The following MBD4 variants were observed in gnomAD, a reference collection of about 807,000 sequenced individuals.
The protein encoded by MBD4 is methyl-CpG-binding domain protein 4.
A neutral mutation model predicts 60.2 loss-of-function variants in MBD4; 53 were observed. The ratio of observed to expected loss-of-function variants is 0.88; its 90% CI spans 0.71 to 1.11. The LOEUF (loss-of-function observed/expected upper bound fraction) is 1.11, where lower values mean the gene tolerates loss of function less well. Among genes scored for constraint, MBD4 ranks in the 50% least tolerant of loss-of-function variants. The probability of loss-of-function intolerance (pLI) is 0.00; values close to 1 mark genes in which losing one functional copy is unlikely to be tolerated. For missense variants in MBD4, 619 were observed against 674.0 expected (o/e 0.92, Z 0.90); for synonymous variants, 231 against 229.8 (o/e 1.01, Z -0.05).
chr3:129,431,427 G>T lies in MBD4; in HGVS notation c.*74C>A. On this transcript the variant is annotated 3_prime_UTR_variant, in exon 8 of 8. Coordinates refer to ENST00000429544, the MANE Select transcript of MBD4 (RefSeq NM_001276270.2). ...TTAAAATCTCTATGGCTGGAAAGGT[G>T]GTTGGTTGTACTTAATTAAGCTTTT... is the stretch of plus-strand genomic sequence containing the variant. The T allele has an allele frequency of 8.6e-7, 1 of 1,162,144 alleles. No homozygotes were observed. Among genetic ancestry groups the T allele is most frequent in the Non-Finnish European group, 1.3e-6 (1 of 773,850 alleles). 72.0% of individuals were successfully genotyped at this position (1,162,144 alleles called of 1,614,324 possible).
Position 129,437,084 on chromosome 3 carries a change from T to A in MBD4, c.560A>T (p.Asp187Val), listed in dbSNP as rs1231965260. 2 of 1,614,068 alleles carry A rather than the reference T, an allele frequency of 1.2e-6. No individual in the cohort carries two copies. The highest frequency in any genetic ancestry group is 4.5e-5 in the East Asian group (2 of 44,888). The change falls in exon 3 of 8, where the codon GAT becomes GTT. Residue 187 changes from aspartate (D) to valine (V), a missense_variant. Coordinates refer to ENST00000429544, the MANE Select transcript of MBD4 (RefSeq NM_001276270.2). ...ACTACTACTTGGCGGCATAAACACA[T>A]CCTTTTTGCACTTGCTTCGGGTCCT... ...NLRTRSKCKK[D>V]VFMPPSSSSE...
In MBD4 at chr3:129,439,918, C is replaced by T. The variant is rs936616443; in HGVS notation, c.-85G>A. The T allele has an allele frequency of 9.2e-6, 9 of 980,558 alleles. No individual in the cohort carries two copies. The highest frequency in any genetic ancestry group is 8.0e-5 in the African/African-American group (5 of 62,786). 60.7% of individuals were successfully genotyped at this position (980,558 alleles called of 1,614,324 possible). A position where few individuals can be genotyped will look rare whatever the true frequency, so the allele number is the denominator to read the frequency against. ...AGTAAGATGTGAAACCTCTTCAGCT[C>T]ACGGCACCGGGCTGCAACCGAGGTC... is the stretch of plus-strand genomic sequence containing the variant. On this transcript the variant is annotated 5_prime_UTR_variant, in exon 1 of 8. Coordinates refer to ENST00000429544, the MANE Select transcript of MBD4 (RefSeq NM_001276270.2).
chr3:129,431,614 A>G (rs748823241), intron 7 of MBD4, 36 bp from the exon 8 acceptor site: 1 of 1,427,052 alleles, frequency 7.0e-7, no homozygotes, highest in South Asian at 1.1e-5. Context: ...CAGAGACCTT[A>G]ATGTAACTTA....
intron 2 of MBD4, 61 bp downstream of exon 2, chr3:129,437,659 C>T: frequency 1.7e-6 from 2 of 1,166,178 alleles, no homozygotes; most frequent in Non-Finnish European, 1.3e-6. Context: ...CTGCTATGCT[C>T]CCACTACCTG....
Position 129,431,452 on chromosome 3 carries a change from T to C in MBD4, c.*49A>G, listed in dbSNP as rs370401547. On this transcript the variant is annotated 3_prime_UTR_variant, in exon 8 of 8. Coordinates refer to ENST00000429544, the MANE Select transcript of MBD4 (RefSeq NM_001276270.2). ...GGTTGGTTGTACTTAATTAAGCTTT[T>C]TTGAAGTGCAAAGCTATGCATAACA... The C allele has an allele frequency of 1.4e-6, 2 of 1,477,498 alleles. No homozygotes were observed. The highest frequency in any genetic ancestry group is 1.4e-5 in the African/African-American group (1 of 72,174). The allele number at this position is 1,477,498 out of a possible 1,614,324, so 91.5% of individuals were successfully genotyped here.
chr3:129,433,285 A>C lies in MBD4; in HGVS notation c.1394-38T>G, dbSNP rs3138357. The C allele has an allele frequency of 2.5e-3, 4,059 of 1,610,124 alleles. 8 individuals carry two copies. Among genetic ancestry groups the C allele is most frequent in the Non-Finnish European group, 3.1e-3 (3,612 of 1,176,468 alleles). Reference sequence around the variant, plus strand: ...AGTAACTGAATGATTACAAGACTCCAGGTGGGCTGATTTCATGTTCAAGTA... The same window carrying C: ...AGTAACTGAATGATTACAAGACTCCCGGTGGGCTGATTTCATGTTCAAGTA... On this transcript the variant is annotated intron_variant, in intron 5 of 7. Transcript: ENST00000429544.
chr3:129,437,004 A>C lies in MBD4; in HGVS notation c.640T>G (p.Leu214Val). The change falls in exon 3 of 8, where the codon TTG (leucine) becomes GTG (valine). Residue 214 changes from leucine (L) to valine (V), a missense_variant. Physicochemically the swap from Leu to Val is conservative, Grantham distance 32 (BLOSUM62 1). Coordinates refer to ENST00000429544, the MANE Select transcript of MBD4 (RefSeq NM_001276270.2). ...TCATCAACACCCTCATCTTCTTTCA[A>C]AAGCAAATGAGTGGAAGTAAAGTTA... ...LSNFTSTHLL[L>V]KEDEGVDDVN... 2 of 1,614,126 alleles carry C rather than the reference A, an allele frequency of 1.2e-6. No individual in the cohort carries two copies. Among genetic ancestry groups the C allele is most frequent in the Non-Finnish European group, 1.7e-6 (2 of 1,180,034 alleles).
chr3:129,437,724 T>TA lies in MBD4; in HGVS notation c.330dup (p.Ile111TyrfsTer16). The TA allele has an allele frequency of 5.0e-6, 8 of 1,610,440 alleles. No individual in the cohort carries two copies. Among genetic ancestry groups the TA allele is most frequent in the Non-Finnish European group, 6.8e-6 (8 of 1,176,570 alleles). Reference sequence around the variant, plus strand: ...TTTACCATCTTATATGCTTACCTGATAAAGTACACATCAAATCTTCCTGCT... The same window carrying TA: ...TTTACCATCTTATATGCTTACCTGATAAAAGTACACATCAAATCTTCCTGCT... On this transcript the variant is annotated frameshift_variant, in exon 2 of 8. Coordinates refer to ENST00000429544, the MANE Select transcript of MBD4 (RefSeq NM_001276270.2). LOFTEE classifies it high-confidence loss of function.
Position 129,439,935 on chromosome 3 carries a change from A to G in MBD4, c.-102T>C. ...CTTCAGCTCACGGCACCGGGCTGCA[A>G]CCGAGGTCTGAATGTTGCGAAAGCG... On this transcript the variant is annotated 5_prime_UTR_variant, in exon 1 of 8. Coordinates refer to ENST00000429544, the MANE Select transcript of MBD4 (RefSeq NM_001276270.2). 2 of 890,434 alleles carry G rather than the reference A, an allele frequency of 2.2e-6. No individual in the cohort carries two copies. Among genetic ancestry groups the G allele is most frequent in the Non-Finnish European group, 3.7e-6 (2 of 547,060 alleles). The allele number at this position is 890,434 out of a possible 1,614,324, so 55.2% of individuals were successfully genotyped here.
Position 129,431,591 on chromosome 3 carries a change from TAA to T in MBD4, c.1648-15_1648-14del. 2 of 1,583,778 alleles carry T rather than the reference TAA, an allele frequency of 1.3e-6. No individual in the cohort carries two copies. The highest frequency in any genetic ancestry group is 8.7e-7 in the Non-Finnish European group (1 of 1,154,660). On this transcript the variant is annotated splice_polypyrimidine_tract_variant and intron_variant, in intron 7 of 7. Transcript: ENST00000429544. ...CTTCAGGGTGCACCTGGAAGAAACA[TAA>T]GATACAGAGGCAGAGACCTTAATGT... is the stretch of plus-strand genomic sequence containing the variant.
rs2072404582 is a variant in MBD4, at chr3:129,433,894, G to A, written c.1349C>T (p.Pro450Leu). The A allele has an allele frequency of 6.2e-7, 1 of 1,614,122 alleles. No individual in the cohort carries two copies. Among genetic ancestry groups the A allele is most frequent in the Non-Finnish European group, 8.5e-7 (1 of 1,179,976 alleles). Residue 450 changes from proline (P) to leucine (L), a missense_variant, in exon 5 of 8, where the codon CCA becomes CTA. Transcript: ENST00000429544. Reference protein sequence around the residue: ...NLVQETLFHDPWKLLIATIFL... With the variant: ...NLVQETLFHDLWKLLIATIFL... ...TATAGTAGCGATGAGAAGCTTCCAT[G>A]GATCATGAAAAAGTGTTTCTTGAAC...
chr3:129,437,146 A>G lies in MBD4; in HGVS notation c.498T>C (p.His166=), dbSNP rs2072481352. 1 of 1,613,910 alleles carries G rather than the reference A, an allele frequency of 6.2e-7. No homozygotes were observed. Among genetic ancestry groups the G allele is most frequent in the Admixed American group, 1.7e-5 (1 of 59,986 alleles). ...TTGAATTGTTACTTTGGTTTTGTAG[A>G]TGGGATGTCAGGGCTGCCATGCTGC... is the stretch of plus-strand genomic sequence containing the variant. ...KDCSMAALTS[H]LQNQSNNSNW... The change falls in exon 3 of 8, where the codon CAT becomes CAC. Residue 166 remains histidine, a synonymous_variant. Coordinates refer to ENST00000429544, the MANE Select transcript of MBD4 (RefSeq NM_001276270.2).
Position 129,439,787 on chromosome 3 carries a change from G to A in MBD4, c.47C>T (p.Ala16Val). Reference protein sequence around the residue: ...LESLSLGDRGAAPTVTSSERL... With the variant: ...LESLSLGDRGVAPTVTSSERL... The stretch of plus-strand genomic sequence containing the variant: ...CTCACTAGAGGTGACGGTGGGGGCA[G>A]CTCCGCGGTCCCCCAGACTCAGACT... The change falls in exon 1 of 8, where the codon GCT becomes GTT. Residue 16 changes from alanine (A) to valine (V), a missense_variant. Ala to Val is a moderately conservative substitution (Grantham distance 64, BLOSUM62 0). Coordinates refer to ENST00000429544, the MANE Select transcript of MBD4 (RefSeq NM_001276270.2). 3.7e-6 allele frequency: 6 copies of A among 1,609,566 alleles called. No homozygotes were observed. The highest frequency in any genetic ancestry group is 5.1e-6 in the Non-Finnish European group (6 of 1,178,502).
At chr3:129,433,059 AATGT>A in intron 6 of MBD4, 35 bp downstream of exon 6, 1 of 1,610,906 alleles carries the variant, frequency 6.2e-7, no homozygotes, top group Non-Finnish European at 8.5e-7. Flanking sequence ...AAATAAGCAC[AATGT>A]ATTATGTTTT....
intron 1 of MBD4, 44 bp from the exon 2 acceptor site, chr3:129,437,994 C>T (rs2072502102): frequency 9.0e-7 from 1 of 1,113,394 alleles, no homozygotes; most frequent in Non-Finnish European, 1.4e-6. Flanking sequence ...TAAAATTTAT[C>T]TTCCACTGCC....
intron 7 of MBD4, 172 bp downstream of exon 7, chr3:129,432,331 T>C (rs2072360889): frequency 7.3e-6 from 11 of 1,516,586 alleles, no homozygotes; most frequent in Non-Finnish European, 7.9e-6. Flanking sequence ...TGGGAGCGCC[T>C]ACTGATCAAA....
At position 129,431,440 on chromosome 3, in the gene MBD4, TA is replaced by T. The variant is rs2072341244; in HGVS notation, c.*60del. 7.3e-7 allele frequency: 1 copy of T among 1,371,336 alleles called. No homozygotes were observed. The highest frequency in any genetic ancestry group is 1.0e-6 in the Non-Finnish European group (1 of 962,640). The allele number at this position is 1,371,336 out of a possible 1,614,324, so 84.9% of individuals were successfully genotyped here. A position where few individuals can be genotyped will look rare whatever the true frequency, so the allele number is the denominator to read the frequency against. ...GGCTGGAAAGGTGGTTGGTTGTACT[TA>T]ATTAAGCTTTTTTGAAGTGCAAAGC... On this transcript the variant is annotated 3_prime_UTR_variant, in exon 8 of 8. Transcript: ENST00000429544.
chr3:129,432,321 TG>T, intron 7 of MBD4, 181 bp downstream of exon 7: 1 of 1,506,252 alleles, frequency 6.6e-7, no homozygotes, highest in Non-Finnish European at 8.8e-7. Flanking sequence ...TTTGTGGACT[TG>T]GGAGCGCCTA....
At chr3:129,439,697 G>T in intron 1 of MBD4, 33 bp downstream of exon 1, 2 of 1,310,316 alleles carry the variant, frequency 1.5e-6, no homozygotes, top group Middle Eastern at 1.8e-4. Context: ...TACAGGTGGT[G>T]AAACTGAGGC....
Sources: allele counts gnomAD v4.1 joint callset, GRCh38; gene constraint gnomAD v4.1.1; transcripts MANE v1.5; gene names NCBI Gene and HGNC (gene_info 2026-07-23, HGNC 2026-07-21).